The following AGBL4 variants were observed in gnomAD, a reference collection of about 807,000 sequenced individuals.
AGBL4 encodes the protein cytosolic carboxypeptidase 6.
AGBL4 carries 58 observed loss-of-function variants against 66.4 expected under a neutral mutation model. That is an observed-to-expected ratio of 0.87 (90% CI 0.71 to 1.09). AGBL4 has a LOEUF of 1.09. Among genes scored for constraint, AGBL4 ranks in the 50% least tolerant of loss-of-function variants. The pLI, the probability that AGBL4 is intolerant of heterozygous loss-of-function variation, is 0.00. For synonymous variants in AGBL4, 234 were observed against 222.9 expected (o/e 1.05, Z -0.44); for missense variants, 579 against 631.0 (o/e 0.92, Z 0.88).
intron 5 of AGBL4, among the ~76,000 whole-genome samples, chr1:48,951,164 G>T (rs1656952555): frequency 6.6e-6 from 1 of 152,140 alleles, no homozygotes; most frequent in African/African-American, 2.4e-5. Context: ...TCTTACCCCA[G>T]TGCTTTAGAG....
intron 4 of AGBL4, among the ~76,000 whole-genome samples, chr1:49,056,881 A>T (rs1177565514): frequency 2.0e-5 from 3 of 151,924 alleles, no homozygotes; most frequent in Non-Finnish European, 2.9e-5. Context: ...AATGGTATCA[A>T]TTTTTTTTGG....
At chr1:48,713,263 A>G (rs1221452477) in intron 6 of AGBL4, among the ~76,000 whole-genome samples, 1 of 152,220 alleles carries the variant, frequency 6.6e-6, no homozygotes, top group African/African-American at 2.4e-5. Context: ...GTTTCCAGAA[A>G]GATGGTTCCT....
chr1:48,603,267 C>G (rs1232066989), intron 9 of AGBL4, among the ~76,000 whole-genome samples: 3 of 151,680 alleles, frequency 2.0e-5, no homozygotes, highest in Non-Finnish European at 4.4e-5. Flanking sequence ...GTCAGGAGGT[C>G]GAGACAATCC....
At position 49,550,988 on chromosome 1, in the gene AGBL4, C is replaced by T. The variant is rs191776775; in HGVS notation, c.282+146325G>A. ...TCCCAGACTTCTTGGAGACTTTGTT[C>T]GGATTTTCTTATTCTTTTTTCTTTG... On this transcript the variant is annotated intron_variant, in intron 3 of 13. Coordinates refer to ENST00000371839, the MANE Select transcript of AGBL4 (RefSeq NM_032785.4). 2.7e-3 allele frequency among the ~76,000 whole-genome samples: 416 copies of T among 152,042 alleles called. 5 individuals are homozygous for T. Among genetic ancestry groups the T allele is most frequent in the Middle Eastern group, 3.4e-3 (1 of 294 alleles).
At chr1:49,876,888 G>A (rs1480712377) in intron 1 of AGBL4, among the ~76,000 whole-genome samples, 1 of 150,262 alleles carries the variant, frequency 6.7e-6, no homozygotes, top group Non-Finnish European at 1.5e-5. Context: ...CTTGTAAGTT[G>A]GATTCCTAGG....
intron 3 of AGBL4, among the ~76,000 whole-genome samples, chr1:49,377,816 A>G (rs2148566221): frequency 6.6e-6 from 1 of 152,218 alleles, no homozygotes; most frequent in Middle Eastern, 3.4e-3. Context: ...ACTGGATGTA[A>G]GCACACCTGT....
intron 1 of AGBL4, among the ~76,000 whole-genome samples, chr1:50,010,670 T>A (rs1203269909): frequency 6.6e-6 from 1 of 152,038 alleles, no homozygotes; most frequent in African/African-American, 2.4e-5. Context: ...TCCACACACA[T>A]ACAATGAAAT....
At chr1:48,734,616 G>A (rs956438074) in intron 6 of AGBL4, among the ~76,000 whole-genome samples, 5 of 152,076 alleles carry the variant, frequency 3.3e-5, no homozygotes, top group Admixed American at 6.5e-5. Context: ...CTTCACACCC[G>A]GAGCATGCCA....
At chr1:49,413,421 C>T (rs1291007840) in intron 3 of AGBL4, among the ~76,000 whole-genome samples, 1 of 152,114 alleles carries the variant, frequency 6.6e-6, no homozygotes, top group Non-Finnish European at 1.5e-5. Context: ...AGTAAAATTG[C>T]ATCAGAAAGC....
At chr1:48,765,483 C>A (rs1406183020) in intron 6 of AGBL4, among the ~76,000 whole-genome samples, 1 of 152,178 alleles carries the variant, frequency 6.6e-6, no homozygotes, top group Admixed American at 6.5e-5. Flanking sequence ...GTAGAATGGG[C>A]AGCCATAGTA....
chr1:49,156,455 G>C (rs563106260), intron 4 of AGBL4, among the ~76,000 whole-genome samples: 2 of 152,298 alleles, frequency 1.3e-5, no homozygotes, highest in South Asian at 4.1e-4. Context: ...GAATCTGGGA[G>C]TAAATTAGCT....
At chr1:49,749,792 G>C (rs1418016001) in intron 2 of AGBL4, among the ~76,000 whole-genome samples, 4 of 152,142 alleles carry the variant, frequency 2.6e-5, no homozygotes, top group Non-Finnish European at 5.9e-5. Context: ...ATGTGTGTAT[G>C]TAGAGTCAAT....
intron 1 of AGBL4, among the ~76,000 whole-genome samples, chr1:50,016,670 G>A (rs1478769932): frequency 2.6e-5 from 4 of 152,030 alleles, no homozygotes; most frequent in Non-Finnish European, 4.4e-5. Context: ...ACATACATGC[G>A]GCCAACAAGC....
chr1:49,411,299 A>G (rs1244700783), intron 3 of AGBL4, among the ~76,000 whole-genome samples: 1 of 152,216 alleles, frequency 6.6e-6, no homozygotes, highest in East Asian at 1.9e-4. Context: ...AGAAGACTCA[A>G]CAAGCCAGTT....
intron 3 of AGBL4, among the ~76,000 whole-genome samples, chr1:49,309,433 A>T (rs1644906344): frequency 6.6e-6 from 1 of 152,068 alleles, no homozygotes; most frequent in African/African-American, 2.4e-5. Flanking sequence ...GTGCCATAAT[A>T]TAATTATGAT....
At chr1:49,391,693 C>T (rs1644853231) in intron 3 of AGBL4, among the ~76,000 whole-genome samples, 1 of 151,774 alleles carries the variant, frequency 6.6e-6, no homozygotes, top group Non-Finnish European at 1.5e-5. Context: ...TCCCAAGTAG[C>T]TGGGACTACA....
intron 6 of AGBL4, among the ~76,000 whole-genome samples, chr1:48,689,021 GA>G (rs1470801951): frequency 2.0e-5 from 3 of 151,626 alleles, no homozygotes; most frequent in African/African-American, 7.3e-5. Context: ...CATTCAGAAA[GA>G]AGATCCATTG....
chr1:49,597,919 G>A (rs756675397), intron 3 of AGBL4, among the ~76,000 whole-genome samples: 8 of 152,188 alleles, frequency 5.3e-5, no homozygotes, highest in Non-Finnish European at 7.3e-5. Flanking sequence ...ATTTTGGGCT[G>A]AGCCGATGGG....
chr1:49,414,848 T>A (rs889071569), intron 3 of AGBL4, among the ~76,000 whole-genome samples: 1 of 152,176 alleles, frequency 6.6e-6, no homozygotes, highest in African/African-American at 2.4e-5. Flanking sequence ...ATGTAAAGTA[T>A]TTAAAACAGT....
Sources: gnomAD v4.1 joint callset for allele counts (sites outside exome capture counted in the v4.1 genomes callset) on GRCh38, gnomAD v4.1.1 for gene constraint, MANE v1.5 for transcripts, NCBI Gene and HGNC (gene_info 2026-07-23, HGNC 2026-07-21) for gene names.